ZNF630: variants seen among roughly 807,000 people sequenced by gnomAD.
The protein encoded by ZNF630 is zinc finger protein 630, also known as dJ54B20.2 (novel KRAB box containing C2H2 type zinc finger protein).
ZNF630 carries 5 observed loss-of-function variants against 7.2 expected under a neutral mutation model. That is an observed-to-expected ratio of 0.70 (90% CI 0.36 to 1.46). The LOEUF (loss-of-function observed/expected upper bound fraction) is 1.46. ZNF630 is among the 40% of genes most tolerant of loss of function. ZNF630 has a pLI of 0.03. For synonymous variants in ZNF630, 158 were observed against 162.8 expected (o/e 0.97, Z 0.23); for missense variants, 461 against 477.0 (o/e 0.97, Z 0.31).
At chrX:48,069,632 C>T (rs2059149737) in intron 1 of ZNF630, among the ~76,000 whole-genome samples, 1 of 110,815 alleles carries the variant, frequency 9.0e-6, no homozygotes, top group African/African-American at 3.3e-5. Flanking sequence ...TGCTATTATC[C>T]TCATTTCGCA....
In ZNF630 at chrX:48,058,481, A is replaced by AGGTTTGGT; in HGVS notation, c.1960_1961insACCAAACC (p.Leu654TyrfsTer29). ...GCCTTCCCACAATCAGCATATATAC[A>AGGTTTGGT]AGGTGTCTTTCCTATATGGATTCTG... On this transcript the variant is annotated frameshift_variant, in exon 5 of 5. Coordinates refer to ENST00000276054, the MANE Select transcript of ZNF630 (RefSeq NM_001282201.2). LOFTEE classifies it high-confidence loss of function. 1 of 1,177,701 alleles carries AGGTTTGGT rather than the reference A, an allele frequency of 8.5e-7. No individual in the cohort carries two copies. The highest frequency in any genetic ancestry group is 2.0e-5 in the South Asian group (1 of 51,022).
chrX:48,058,525 A>T lies in ZNF630; in HGVS notation c.1917T>A (p.His639Gln). 1 of 1,205,347 alleles carries T rather than the reference A, an allele frequency of 8.3e-7. No homozygotes were observed. Among genetic ancestry groups the T allele is most frequent in the Non-Finnish European group, 1.1e-6 (1 of 891,824 alleles). Residue 639 changes from histidine to glutamine, a missense_variant, in exon 5 of 5, where the codon CAT (histidine) becomes CAA (glutamine). By Grantham distance (24) the His-to-Gln change is conservative. Transcript: ENST00000276054. ...GATTCTGATGCCCAGTAAAGTATAC[A>T]TGCTGGCAGAATGCCTTCCCACAGT... The part of the protein sequence containing the change: ...CSDCGKAFCQ[H>Q]VYFTGHQNPY...
At position 48,066,922 on chromosome X, in the gene ZNF630, G is replaced by C; in HGVS notation, c.-36C>G. 8.3e-7 allele frequency: 1 copy of C among 1,202,008 alleles called. No individual in the cohort carries two copies. The highest frequency in any genetic ancestry group is 1.1e-6 in the Non-Finnish European group (1 of 888,235). Reference sequence around the variant, plus strand: ...TCTTTGGAAAGCAGTTGGGGGCGGGGTGGGGTGCAGAAGAGTCTTCGGAGA... The same window carrying C: ...TCTTTGGAAAGCAGTTGGGGGCGGGCTGGGGTGCAGAAGAGTCTTCGGAGA... On this transcript the variant is annotated 5_prime_UTR_variant, in exon 2 of 5. Coordinates refer to ENST00000276054, the MANE Select transcript of ZNF630 (RefSeq NM_001282201.2).
chrX:48,066,172 A>G (rs1161256612), intron 2 of ZNF630: 1 of 111,282 alleles, frequency 9.0e-6, no homozygotes, highest in Admixed American at 9.6e-5. Flanking sequence ...GGAGTTATAA[A>G]TGCATAAAGA....
chrX:48,066,853 T>C lies in ZNF630; in HGVS notation c.15+19A>G. On this transcript the variant is annotated intron_variant, in intron 2 of 4. Coordinates refer to ENST00000276054, the MANE Select transcript of ZNF630 (RefSeq NM_001282201.2). Reference sequence around the variant, plus strand: ...CTCATTTTGTTGTGGGAAAACCAAGTGGCAAACAAATAACTTACCTGGGAC... The same window carrying C: ...CTCATTTTGTTGTGGGAAAACCAAGCGGCAAACAAATAACTTACCTGGGAC... 8.3e-7 allele frequency: 1 copy of C among 1,207,287 alleles called. No homozygotes were observed. The highest frequency in any genetic ancestry group is 1.1e-6 in the Non-Finnish European group (1 of 892,411).
rs148260909 is a variant in ZNF630, at chrX:48,058,475, A to G, written c.1967T>C (p.Ile656Thr). The G allele has an allele frequency of 2.0e-5, 23 of 1,169,019 alleles. 1 individual carries two copies. The African/African-American group carries it at 3.8e-4, about 19-fold the overall frequency. ...QNPYRKDTLY[I>T]C ...GAATAGGCCTTCCCACAATCAGCAT[A>G]TATACAAGGTGTCTTTCCTATATGG... Residue 656 changes from isoleucine to threonine, a missense_variant, in exon 5 of 5, where the codon ATA becomes ACA. Coordinates refer to ENST00000276054, the MANE Select transcript of ZNF630 (RefSeq NM_001282201.2).
chrX:48,069,242 GA>G (rs781983731), intron 1 of ZNF630, among the ~76,000 whole-genome samples: 38 of 67,684 alleles, frequency 5.6e-4, no homozygotes, highest in Admixed American at 6.6e-4. Flanking sequence ...CCCTGTCAAA[GA>G]AAAAAAAAAA....
At chrX:48,066,842 G>A in intron 2 of ZNF630, 30 bp downstream of exon 2, 1 of 1,204,442 alleles carries the variant, frequency 8.3e-7, no homozygotes, top group Non-Finnish European at 1.1e-6. Context: ...TTTTGTTGTG[G>A]GAAAACCAAG....
rs781966978 is a variant in ZNF630, at chrX:48,060,004, T to C, written c.438A>G (p.Thr146=). The change falls in exon 5 of 5, where the codon ACA becomes ACG. Residue 146 remains threonine (T), a synonymous_variant. Coordinates refer to ENST00000276054, the MANE Select transcript of ZNF630 (RefSeq NM_001282201.2). ...ACTTGGAACCCATCTCATCAGTCAA[T>C]GTTTCACGACTGATGACTGTGACCT... is the stretch of plus-strand genomic sequence containing the variant. ...LRQVTVISRE[T]LTDEMGSKYS... The C allele has an allele frequency of 8.3e-7, 1 of 1,208,156 alleles. No homozygotes were observed. Among genetic ancestry groups the C allele is most frequent in the Non-Finnish European group, 1.1e-6 (1 of 892,916 alleles).
chrX:48,069,379 CA>C (rs1192107038), intron 1 of ZNF630, among the ~76,000 whole-genome samples: 2 of 109,168 alleles, frequency 1.8e-5, no homozygotes, highest in African/African-American at 6.7e-5. Context: ...AAAACAAAAA[CA>C]AAAAAAAGCT....
chrX:48,059,364 A>G lies in ZNF630; in HGVS notation c.1078T>C (p.Ser360Pro). The change falls in exon 5 of 5, where the codon TCA becomes CCA. Residue 360 changes from serine to proline, a missense_variant. Ser to Pro is a moderately conservative substitution (Grantham distance 74). Transcript: ENST00000276054. Reference sequence around the variant, plus strand: ...ACTCTCTGATGTATAATTAGATGTGACTTCTGGGAGAAAGCTTTTGGACAC... The same window carrying G: ...ACTCTCTGATGTATAATTAGATGTGGCTTCTGGGAGAAAGCTTTTGGACAC... Reference protein sequence around the residue: ...FECPKAFSQKSHLIIHQRVHT... With the variant: ...FECPKAFSQKPHLIIHQRVHT... 1 of 1,208,085 alleles carries G rather than the reference A, an allele frequency of 8.3e-7. No homozygotes were observed. Among genetic ancestry groups the G allele is most frequent in the Non-Finnish European group, 1.1e-6 (1 of 893,246 alleles).
At position 48,058,787 on chromosome X, in the gene ZNF630, A is replaced by G. The variant is rs782791488; in HGVS notation, c.1655T>C (p.Phe552Ser). Residue 552 changes from phenylalanine to serine, a missense_variant, in exon 5 of 5, where the codon TTT (phenylalanine) becomes TCT (serine). By Grantham distance (155) the Phe-to-Ser change is radical. Transcript: ENST00000276054. The stretch of plus-strand genomic sequence containing the variant: ...TAGAATGAGATGTGACTTCAGGGAA[A>G]AGGCCCTCCCACACTCAGTACACTC... ...PYECTECGRA[F>S]SLKSHLILHQ... The G allele has an allele frequency of 6.6e-6, 8 of 1,205,774 alleles. No individual in the cohort carries two copies. Among genetic ancestry groups the G allele is most frequent in the Non-Finnish European group, 9.0e-6 (8 of 891,664 alleles).
chrX:48,060,625 G>T, intron 3 of ZNF630, 80 bp from the exon 4 acceptor site: 1 of 978,863 alleles, frequency 1.0e-6, no homozygotes, highest in Non-Finnish European at 1.4e-6. Context: ...GGGCCTCCCA[G>T]CAAAGTTGGA....
chrX:48,070,949 C>T (rs1603238463), intron 1 of ZNF630: 1 of 109,243 alleles, frequency 9.2e-6, no homozygotes, highest in African/African-American at 3.4e-5. Flanking sequence ...ACCCTCATCC[C>T]TCACCCCAGA....
At chrX:48,065,641 C>T (rs2059127562) in intron 2 of ZNF630, among the ~76,000 whole-genome samples, 1 of 107,276 alleles carries the variant, frequency 9.3e-6, no homozygotes, top group African/African-American at 3.4e-5. Context: ...GGATATCGTG[C>T]CATTGCACTC....
At chrX:48,064,776 A>C (rs2059122441) in intron 2 of ZNF630, among the ~76,000 whole-genome samples, 1 of 111,943 alleles carries the variant, frequency 8.9e-6, no homozygotes, top group Non-Finnish European at 1.9e-5. Flanking sequence ...TCTGGTTTTT[A>C]CATTTTTAAT....
chrX:48,070,705 A>C (rs1556910932), intron 1 of ZNF630, among the ~76,000 whole-genome samples: 1 of 109,915 alleles, frequency 9.1e-6, no homozygotes, highest in African/African-American at 3.3e-5. Flanking sequence ...CCCCTCACAA[A>C]AGAAGATCTC....
intron 2 of ZNF630, among the ~76,000 whole-genome samples, chrX:48,065,729 A>G (rs1301637902): frequency 9.0e-6 from 1 of 111,414 alleles, no homozygotes; most frequent in Non-Finnish European, 1.9e-5. Context: ...ATATTACCCA[A>G]ATTTTCCCAG....
chrX:48,061,688 T>TAATAGTGAGTGAGTTCTCAC, intron 2 of ZNF630: 2 of 288,612 alleles, frequency 6.9e-6, no homozygotes, highest in Non-Finnish European at 1.3e-5. Context: ...GCTGTTCTCA[T>TAATAGTGAGTGAGTTCTCAC]AATAGTGAGT....
Sources: allele counts gnomAD v4.1 joint callset (sites outside exome capture counted in the v4.1 genomes callset), GRCh38; gene constraint gnomAD v4.1.1; transcripts MANE v1.5; gene names NCBI Gene and HGNC (gene_info 2026-07-23, HGNC 2026-07-21).